Variants in KCTD1 observed in about 807,000 individuals in gnomAD.
KCTD1 encodes BTB/POZ domain-containing protein KCTD1.
Under a neutral mutation model 66.0 loss-of-function variants are expected in KCTD1, and 24 were observed. That is an observed-to-expected ratio of 0.36 (90% CI 0.26 to 0.51). The LOEUF is 0.51. Ranked by LOEUF, KCTD1 falls within the 20% of genes least tolerant of loss-of-function variation. KCTD1 has a pLI of 0.95. For synonymous variants in KCTD1, 511 were observed against 517.2 expected (o/e 0.99, Z 0.16); for missense variants, 943 against 1,205.2 (o/e 0.78, Z 3.22).
intron 1 of KCTD1, among the ~76,000 whole-genome samples, chr18:26,506,805 C>A (rs1043395900): frequency 6.6e-6 from 1 of 152,186 alleles, no homozygotes. Flanking sequence ...ATGGTCACCA[C>A]CAGCCACAAG....
intron 1 of KCTD1, among the ~76,000 whole-genome samples, chr18:26,638,900 C>G (rs511378): frequency 1 from 151,693 of 152,384 alleles, 75,509 homozygotes; most frequent in Middle Eastern, 1. Flanking sequence ...CCCTCTTGCT[C>G]TGTCTTGTTT....
intron 3 of KCTD1, among the ~76,000 whole-genome samples, chr18:26,471,884 A>G (rs1440915238): frequency 6.6e-6 from 1 of 152,212 alleles, no homozygotes; most frequent in Non-Finnish European, 1.5e-5. Context: ...AGCCACTCCA[A>G]GGAGTCCAGA....
At chr18:26,603,127 T>C (rs1986934667) in intron 1 of KCTD1, among the ~76,000 whole-genome samples, 1 of 152,102 alleles carries the variant, frequency 6.6e-6, no homozygotes, top group Non-Finnish European at 1.5e-5. Flanking sequence ...CAACTCAAGA[T>C]AGATTAAAGA....
chr18:26,456,375 C>CAGTG (rs1201396396), intron 4 of KCTD1: 1 of 152,660 alleles, frequency 6.6e-6, no homozygotes, highest in Non-Finnish European at 1.5e-5. Context: ...TTTACTTAGT[C>CAGTG]AGTGATTCAT....
intron 1 of KCTD1, among the ~76,000 whole-genome samples, chr18:26,513,385 C>A (rs890958358): frequency 2.6e-5 from 4 of 151,808 alleles, no homozygotes; most frequent in African/African-American, 9.7e-5. Flanking sequence ...CCGCGCCCGG[C>A]CTCCAGGGTG....
At chr18:26,519,599 C>A (rs1371065503) in intron 1 of KCTD1, among the ~76,000 whole-genome samples, 1 of 152,138 alleles carries the variant, frequency 6.6e-6, no homozygotes, top group Non-Finnish European at 1.5e-5. Flanking sequence ...TAAACTAAGA[C>A]TCAAAATAAA....
chr18:26,459,802 C>T lies in KCTD1; in HGVS notation c.2257G>A (p.Val753Met), dbSNP rs766391691. 63 of 1,614,070 alleles carry T rather than the reference C, an allele frequency of 3.9e-5. No homozygotes were observed. Among genetic ancestry groups the T allele is most frequent in the Non-Finnish European group, 4.8e-5 (57 of 1,180,040 alleles). Residue 753 changes from valine (V) to methionine (M), a missense_variant, in exon 4 of 5, where the codon GTG becomes ATG. Physicochemically the swap from Val to Met is conservative, Grantham distance 21. This residue lies in a region of KCTD1 where 162 missense variants were observed against 232.4 expected (regional missense o/e 0.70). Coordinates refer to ENST00000580059, the MANE Select transcript of KCTD1 (RefSeq NM_001142730.3). ...RFSRPCECLV[V>M]RVAPDLGERI... ...TCTCCGAGGTCTGGGGCCACACGCA[C>T]GACGAGGCACTCACAGGGCCTTGAA...
intron 1 of KCTD1, among the ~76,000 whole-genome samples, chr18:26,501,613 C>A (rs1000330973): frequency 6.6e-6 from 1 of 152,204 alleles, no homozygotes; most frequent in African/African-American, 2.4e-5. Flanking sequence ...ACACTTCAAA[C>A]AATACATATC....
upstream of KCTD1, chr18:26,549,813 A>C: frequency 1.0e-6 from 1 of 985,000 alleles, no homozygotes; most frequent in Non-Finnish European, 1.2e-6. Flanking sequence ...AAACTGGAAA[A>C]GCAGCCAAAG....
chr18:26,616,059 G>C (rs1018728643), intron 1 of KCTD1, among the ~76,000 whole-genome samples: 2 of 152,074 alleles, frequency 1.3e-5, no homozygotes, highest in East Asian at 1.9e-4. Flanking sequence ...CCAAAGTGCT[G>C]GGATTACAGG....
At chr18:26,469,613 G>A (rs762752628) in intron 3 of KCTD1, among the ~76,000 whole-genome samples, 4 of 152,016 alleles carry the variant, frequency 2.6e-5, no homozygotes, top group Non-Finnish European at 5.9e-5. Context: ...TCAATAATGG[G>A]AATTATAAAT....
At chr18:26,656,842 G>A (rs530115204) in intron 1 of KCTD1, among the ~76,000 whole-genome samples, 2 of 149,648 alleles carry the variant, frequency 1.3e-5, no homozygotes, top group Admixed American at 6.6e-5. Context: ...GCCGGTTTGC[G>A]GGCGCGGAGC....
At chr18:26,548,959 C>A, upstream of KCTD1, 1 of 986,002 alleles carries the variant, frequency 1.0e-6, no homozygotes, top group Middle Eastern at 5.2e-4. Context: ...GGGACGGTCT[C>A]GTTTCTCTAA....
At chr18:26,472,241 T>A (rs1203275757) in intron 3 of KCTD1, among the ~76,000 whole-genome samples, 1 of 152,148 alleles carries the variant, frequency 6.6e-6, no homozygotes, top group East Asian at 1.9e-4. Flanking sequence ...TGCAATCACC[T>A]AAACATGAGG....
intron 1 of KCTD1, among the ~76,000 whole-genome samples, chr18:26,592,446 G>A (rs1299941701): frequency 6.6e-6 from 1 of 152,194 alleles, no homozygotes; most frequent in African/African-American, 2.4e-5. Flanking sequence ...CCAAGCTGTG[G>A]GGTCTGTGCC....
intron 1 of KCTD1, among the ~76,000 whole-genome samples, chr18:26,532,610 GGCC>G (rs1327382360): frequency 6.6e-6 from 1 of 152,042 alleles, no homozygotes; most frequent in Non-Finnish European, 1.5e-5. Context: ...ACCTTCTCTG[GGCC>G]GCCATCTCCT....
chr18:26,651,853 G>A (rs1988043408), intron 1 of KCTD1, among the ~76,000 whole-genome samples: 1 of 151,422 alleles, frequency 6.6e-6, no homozygotes, highest in African/African-American at 2.4e-5. Flanking sequence ...ATAAAGGGTT[G>A]GCCATAGGTG....
intron 1 of KCTD1, among the ~76,000 whole-genome samples, chr18:26,512,763 T>C (rs1221503754): frequency 6.6e-6 from 1 of 152,090 alleles, no homozygotes. Context: ...GGTGGATCAC[T>C]TGAGGCCAGG....
intron 2 of KCTD1, among the ~76,000 whole-genome samples, chr18:26,481,386 G>A (rs1981640193): frequency 6.6e-6 from 1 of 152,186 alleles, no homozygotes; most frequent in Admixed American, 6.5e-5. Context: ...GTAAGGTTAG[G>A]TAAGCAGGGA....
Sources: allele counts gnomAD v4.1 joint callset (sites outside exome capture counted in the v4.1 genomes callset), GRCh38; gene constraint gnomAD v4.1.1; regional missense constraint gnomAD v4.1.1; transcripts MANE v1.5; gene names NCBI Gene and HGNC (gene_info 2026-07-23, HGNC 2026-07-21).